The following CAP1 variants were observed in gnomAD, a reference collection of about 807,000 sequenced individuals.
The protein encoded by CAP1 is cyclase associated actin cytoskeleton regulatory protein 1.
In CAP1, 11 loss-of-function variants were observed where a neutral mutation model predicts 58.2. That is an observed-to-expected ratio of 0.19 (90% confidence interval 0.12 to 0.31). The LOEUF is 0.31. Among genes scored for constraint, CAP1 ranks in the 10% least tolerant of loss-of-function variants. The probability of loss-of-function intolerance (pLI) is 1.00; values close to 1 mark genes in which losing one functional copy is unlikely to be tolerated. For synonymous variants in CAP1, 183 were observed against 213.8 expected, an observed-to-expected ratio of 0.86 and a Z score of 1.26; for missense variants, 423 against 587.5, an observed-to-expected ratio of 0.72 and a Z score of 2.89.
chr1:40,042,073 C>T (rs1230200446), intron 1 of CAP1, among the ~76,000 whole-genome samples: 2 of 152,104 alleles, frequency 1.3e-5, no homozygotes, highest in Non-Finnish European at 2.9e-5. Flanking sequence ...GATGGGGTTT[C>T]GCCGTGAAGG....
At chr1:40,062,043 G>GT (rs1442831626) in intron 4 of CAP1, among the ~76,000 whole-genome samples, 1 of 152,112 alleles carries the variant, frequency 6.6e-6, no homozygotes, top group African/African-American at 2.4e-5. Context: ...TAGGACTGTG[G>GT]TTATCCCTGG....
intron 8 of CAP1, among the ~76,000 whole-genome samples, 200 bp downstream of exon 8, chr1:40,067,917 C>T (rs1363007149): frequency 1.3e-5 from 2 of 152,202 alleles, no homozygotes; most frequent in African/African-American, 4.8e-5. Flanking sequence ...GCCATCTGCC[C>T]CATGGGAAAG....
At position 40,040,770 on chromosome 1, in the gene CAP1, A is replaced by C. The variant is rs1307122498; in HGVS notation, c.-42A>C. On this transcript the variant is annotated 5_prime_UTR_variant, in exon 1 of 13. Transcript: ENST00000372805. ...TCTTGCCGGAAGCGGAGAGCGGCTG[A>C]TCGCAGTCCGGAGGTGAGGCGGAAC... The C allele has an allele frequency of 6.5e-6, 1 of 153,036 alleles. No individual in the cohort carries two copies. The highest frequency in any genetic ancestry group is 2.4e-5 in the African/African-American group (1 of 41,470). 9.5% of individuals were successfully genotyped at this position (153,036 alleles called of 1,614,324 possible).
chr1:40,067,352 TGA>T (rs1647132656), intron 7 of CAP1, 186 bp from the exon 8 acceptor site: 4 of 490,084 alleles, frequency 8.2e-6, no homozygotes, highest in Admixed American at 8.2e-5. Flanking sequence ...GAAATAGAAC[TGA>T]GAGCTGGATC....
rs766763841 is a variant in CAP1, at chr1:40,066,372, C to T, written c.630+52C>T. 5.3e-6 allele frequency: 5 copies of T among 941,958 alleles called. 1 individual carries two copies. The highest frequency in any genetic ancestry group is 4.8e-5 in the African/African-American group (3 of 62,244). 58.3% of individuals were successfully genotyped at this position (941,958 alleles called of 1,614,324 possible). A position where few individuals can be genotyped will look rare whatever the true frequency, so the allele number is the denominator to read the frequency against. On this transcript the variant is annotated intron_variant, in intron 7 of 12. Transcript: ENST00000372805. The stretch of plus-strand genomic sequence containing the variant: ...CCTCCCTCCCACTTTCTCTCTCCAG[C>T]ATGGGGTCCACAGGTTTCTTAGACT...
intron 1 of CAP1, among the ~76,000 whole-genome samples, chr1:40,041,914 T>C (rs1371720891): frequency 6.6e-6 from 1 of 152,254 alleles, no homozygotes; most frequent in East Asian, 1.9e-4. Flanking sequence ...AAGAGTGGAA[T>C]GAGAACATTT....
rs191005748 is a variant in CAP1, at chr1:40,049,685, T to G, written c.-11+8884T>G. Among the ~76,000 whole-genome samples, 18 of 152,302 alleles carry G rather than the reference T, an allele frequency of 1.2e-4. No homozygotes were observed. In the East Asian group the frequency reaches 3.5e-3, roughly 29 times the overall value. ...TCTTGATTCTTTCCTAGGCTTTATT[T>G]CTAAATACTCACTAGTCATTTCCAC... On this transcript the variant is annotated intron_variant, in intron 1 of 12. Transcript: ENST00000372805.
At chr1:40,064,176 C>A in intron 4 of CAP1, 51 bp from the exon 5 acceptor site, 1 of 1,593,040 alleles carries the variant, frequency 6.3e-7, no homozygotes, top group Non-Finnish European at 8.6e-7. Flanking sequence ...AAGGCATAGA[C>A]ACCTTTGTGG....
At chr1:40,060,316 C>G (rs940457162) in intron 3 of CAP1, 146 bp downstream of exon 3, 1 of 558,796 alleles carries the variant, frequency 1.8e-6, no homozygotes, top group Non-Finnish European at 3.2e-6. Flanking sequence ...TTTGCCTGTA[C>G]TGAGGAGTTC....
rs547247921 is a variant in CAP1 at position 40,072,550 on chromosome 1, T to C, written c.*1017T>C. 1 of 154,162 alleles carries C rather than the reference T, an allele frequency of 6.5e-6. No individual in the cohort carries two copies. Among genetic ancestry groups the C allele is most frequent in the East Asian group, 1.9e-4 (1 of 5,198 alleles). 9.5% of individuals were successfully genotyped at this position (154,162 alleles called of 1,614,324 possible). A position where few individuals can be genotyped will look rare whatever the true frequency, so the allele number is the denominator to read the frequency against. On this transcript the variant is annotated 3_prime_UTR_variant, in exon 13 of 13. Coordinates refer to ENST00000372805, the MANE Select transcript of CAP1 (RefSeq NM_006367.4). ...AACTTTTTTTTGGTGGGAAGAGAGA[T>C]TGTCCTGTGATTTCTACCCATTTCC...
Position 40,049,178 on chromosome 1 carries a change from ATTTTTTTTTTTT to A in CAP1, c.-11+8392_-11+8403del, listed in dbSNP as rs72214452. Among the ~76,000 whole-genome samples, 33 of 84,888 alleles carry A rather than the reference ATTTTTTTTTTTT, an allele frequency of 3.9e-4. No homozygotes were observed. In the South Asian group the frequency reaches 0.013, roughly 33 times the overall value. The allele number at this position is 84,888 out of a possible 152,430, so 55.7% of individuals were successfully genotyped here. A position where few individuals can be genotyped will look rare whatever the true frequency, so the allele number is the denominator to read the frequency against. ...TGGCAGGAATCACTAGCCATTTCTA[ATTTTTTTTTTTT>A]TTTTTTTTTTTTTTGAGACAGAGTG... On this transcript the variant is annotated intron_variant, in intron 1 of 12. Coordinates refer to ENST00000372805, the MANE Select transcript of CAP1 (RefSeq NM_006367.4).
At chr1:40,059,689 C>T (rs1646765988) in intron 2 of CAP1, among the ~76,000 whole-genome samples, 1 of 152,130 alleles carries the variant, frequency 6.6e-6, no homozygotes, top group African/African-American at 2.4e-5. Context: ...CCTGCTCTTT[C>T]TTTAGCAGAA....
intron 1 of CAP1, chr1:40,041,007 G>A (rs568990563): frequency 6.5e-6 from 1 of 152,712 alleles, no homozygotes; most frequent in African/African-American, 2.4e-5. Flanking sequence ...GCCCCGGGGA[G>A]GCCCCTCTGC....
intron 1 of CAP1, among the ~76,000 whole-genome samples, chr1:40,043,050 T>G (rs759798257): frequency 1.1e-4 from 16 of 152,072 alleles, no homozygotes; most frequent in Non-Finnish European, 4.4e-5. Flanking sequence ...AGATGTCTAA[T>G]AAGGTGGGTC....
At chr1:40,058,359 T>C (rs1646701577) in intron 1 of CAP1, among the ~76,000 whole-genome samples, 1 of 152,216 alleles carries the variant, frequency 6.6e-6, no homozygotes, top group African/African-American at 2.4e-5. Flanking sequence ...CTTTCTTATG[T>C]CACCTTAACA....
At chr1:40,053,668 A>G (rs1188866173) in intron 1 of CAP1, among the ~76,000 whole-genome samples, 1 of 152,096 alleles carries the variant, frequency 6.6e-6, no homozygotes, top group African/African-American at 2.4e-5. Flanking sequence ...GCTGGTCTCG[A>G]ACTCCCGACC....
intron 1 of CAP1, among the ~76,000 whole-genome samples, chr1:40,044,903 T>G (rs1310441319): frequency 1.3e-5 from 2 of 148,832 alleles, no homozygotes; most frequent in East Asian, 2.0e-4. Context: ...TTCACGCCAT[T>G]CACCTGCTTC....
At chr1:40,066,500 C>G (rs1051155654) in intron 7 of CAP1, among the ~76,000 whole-genome samples, 180 bp downstream of exon 7, 1 of 152,148 alleles carries the variant, frequency 6.6e-6, no homozygotes, top group African/African-American at 2.4e-5. Flanking sequence ...AAGCAAGGAT[C>G]AGAGGAGAAG....
At chr1:40,065,540 A>T (rs1010942680) in intron 6 of CAP1, among the ~76,000 whole-genome samples, 1 of 152,242 alleles carries the variant, frequency 6.6e-6, no homozygotes, top group African/African-American at 2.4e-5. Context: ...GGAATTAAGC[A>T]TGACAGTGTT....
Sources: gnomAD v4.1 joint callset for allele counts (sites outside exome capture counted in the v4.1 genomes callset) on GRCh38, gnomAD v4.1.1 for gene constraint, MANE v1.5 for transcripts, NCBI Gene and HGNC (gene_info 2026-07-23, HGNC 2026-07-21) for gene names.